PUDP: variants seen among roughly 807,000 people sequenced by gnomAD.
PUDP encodes the protein pseudouridine 5'-phosphatase, also known as pseudouridine-5'-phosphatase.
A neutral mutation model predicts 9.4 loss-of-function variants in PUDP; 8 were observed. The observed-to-expected ratio is 0.85, with a 90% CI of 0.50 to 1.53. The LOEUF (loss-of-function observed/expected upper bound fraction) is 1.53, where lower values mean the gene tolerates loss of function less well. PUDP is among the 40% of genes most tolerant of loss of function. The pLI is 0.00. For missense variants in PUDP, 188 were observed against 189.7 expected (o/e 0.99, Z 0.05); for synonymous variants, 99 against 80.7 (o/e 1.23, Z -1.22).
Position 6,859,353 on chromosome X carries a change from T to G in PUDP, c.*247+117780A>C, listed in dbSNP as rs1926962783. Among the ~76,000 whole-genome samples the G allele has an allele frequency of 3.6e-5, 4 of 111,837 alleles. No homozygotes were observed. In the Admixed American group the frequency reaches 3.8e-4, roughly 11 times the overall value. ...GAGAAACCTGACATAGTTGACTCCA[T>G]CTTGCTTCTGACCTCCAAGTTGCTT... On this transcript the variant is annotated intron_variant and NMD_transcript_variant, in intron 3 of 3. Coordinates refer to the PUDP transcript ENST00000655425.
chrX:7,108,194 C>T (rs772365856), intron 1 of PUDP, among the ~76,000 whole-genome samples: 2 of 112,923 alleles, frequency 1.8e-5, no homozygotes, highest in East Asian at 5.6e-4. Context: ...CTTGACTGCA[C>T]CTGCAGCATC....
intron 3 of PUDP, among the ~76,000 whole-genome samples, chrX:7,067,949 C>T (rs1237331088): frequency 9.0e-6 from 1 of 111,240 alleles, no homozygotes; most frequent in Admixed American, 9.5e-5. Context: ...CTCTTTTTGC[C>T]CACTGCCATC....
chrX:6,743,631 G>A lies in PUDP; in HGVS notation c.*248-37165C>T, dbSNP rs190409622. ...GCAAGTTAATCAATAGGTCAGCATC[G>A]CAATAGTTTGCAGCTGTAACAGGAT... On this transcript the variant is annotated intron_variant and NMD_transcript_variant, in intron 3 of 3. Transcript: ENST00000655425. Among the ~76,000 whole-genome samples the A allele has an allele frequency of 4.5e-5, 5 of 111,777 alleles. No homozygotes were observed. In the East Asian group the frequency reaches 1.1e-3, roughly 25 times the overall value.
intron 3 of PUDP, among the ~76,000 whole-genome samples, chrX:6,839,005 T>G (rs1374048349): frequency 8.9e-6 from 1 of 112,021 alleles, no homozygotes; most frequent in African/African-American, 3.2e-5. Flanking sequence ...CTATGTCAAG[T>G]CTTTCTGACA....
intron 3 of PUDP, among the ~76,000 whole-genome samples, chrX:6,741,369 C>T (rs113462114): frequency 0.052 from 5,826 of 111,469 alleles, 181 homozygotes; most frequent in African/African-American, 0.087. Flanking sequence ...TAAATGAATG[C>T]ATCTATAGGA....
At chrX:6,789,862 C>CGTTT (rs1925712249) in intron 3 of PUDP, among the ~76,000 whole-genome samples, 1 of 9,529 alleles carries the variant, frequency 1.0e-4, no homozygotes, top group South Asian at 0.018. Flanking sequence ...AGAAAAAAGA[C>CGTTT]GATTGATAGA....
intron 1 of PUDP, among the ~76,000 whole-genome samples, chrX:7,141,076 T>G (rs1373091047): frequency 8.9e-6 from 1 of 111,809 alleles, no homozygotes; most frequent in Admixed American, 9.5e-5. Flanking sequence ...AGTCCCTGAA[T>G]CACACTAATA....
chrX:7,011,110 A>G lies in PUDP; in HGVS notation c.205-32767T>C, dbSNP rs1028932245. 1.5e-3 allele frequency among the ~76,000 whole-genome samples: 174 copies of G among 112,320 alleles called. 2 individuals carry two copies. The highest frequency in any genetic ancestry group is 5.3e-3 in the African/African-American group (164 of 30,859). On this transcript the variant is annotated intron_variant and NMD_transcript_variant, in intron 1 of 3. Coordinates refer to the PUDP transcript ENST00000655425. ...TTGCTACCATGATTATTAATTAACC[A>G]AATTGTAGAGATATTGAGTACATTT...
At chrX:6,816,721 A>G (rs1456652068) in intron 3 of PUDP, among the ~76,000 whole-genome samples, 1 of 98,198 alleles carries the variant, frequency 1.0e-5, no homozygotes, top group Non-Finnish European at 2.0e-5. Context: ...TATAGTATAT[A>G]CAATATATAT....
chrX:7,124,219 G>T (rs1932419719), intron 1 of PUDP, among the ~76,000 whole-genome samples: 1 of 112,100 alleles, frequency 8.9e-6, no homozygotes, highest in African/African-American at 3.2e-5. Flanking sequence ...TTAGAAATCA[G>T]TAACTGAAGA....
At chrX:6,741,894 C>T (rs1924944576) in intron 3 of PUDP, among the ~76,000 whole-genome samples, 1 of 108,049 alleles carries the variant, frequency 9.3e-6, no homozygotes, top group African/African-American at 3.4e-5. Flanking sequence ...CTCACTCTGT[C>T]GCCCAGGCTG....
At chrX:7,032,677 C>T (rs1929806892) in intron 1 of PUDP, among the ~76,000 whole-genome samples, 1 of 111,572 alleles carries the variant, frequency 9.0e-6, no homozygotes, top group Non-Finnish European at 1.9e-5. Context: ...AACATGAAAG[C>T]CATGGTAATA....
At chrX:6,757,723 A>G (rs1480552880) in intron 3 of PUDP, among the ~76,000 whole-genome samples, 2 of 112,439 alleles carry the variant, frequency 1.8e-5, no homozygotes, top group Non-Finnish European at 3.8e-5. Context: ...GAGAGATGTC[A>G]CTGGGCAGGA....
At chrX:6,752,326 G>A (rs1215282694) in intron 3 of PUDP, among the ~76,000 whole-genome samples, 1 of 111,043 alleles carries the variant, frequency 9.0e-6, no homozygotes, top group African/African-American at 3.3e-5. Context: ...GCACATACCT[G>A]GCCATTGCTG....
chrX:6,751,077 G>C (rs931042090), intron 3 of PUDP, among the ~76,000 whole-genome samples: 2 of 109,842 alleles, frequency 1.8e-5, no homozygotes, highest in Non-Finnish European at 3.8e-5. Context: ...GGGAGGCGGA[G>C]CTTGCAGTGA....
chrX:6,778,409 G>C (rs1925502588), intron 3 of PUDP, among the ~76,000 whole-genome samples: 1 of 112,405 alleles, frequency 8.9e-6, no homozygotes, highest in African/African-American at 3.2e-5. Flanking sequence ...GCAACCTTGG[G>C]CCAAGCTCCC....
Position 7,028,789 on chromosome X carries a change from A to C in PUDP, c.204+48431T>G, listed in dbSNP as rs1024203514. ...GGACTGACATAACAAAGCGCCACGGACCGGGCCGCTTACCACAGACATTGA... is the reference window on the plus strand; with the variant it reads ...GGACTGACATAACAAAGCGCCACGGCCCGGGCCGCTTACCACAGACATTGA... On this transcript the variant is annotated intron_variant and NMD_transcript_variant, in intron 1 of 3. Transcript: ENST00000655425. Among the ~76,000 whole-genome samples, 3 of 111,572 alleles carry C rather than the reference A, an allele frequency of 2.7e-5. No individual in the cohort carries two copies. The Admixed American group carries it at 2.9e-4, about 11-fold the overall frequency.
chrX:6,803,081 A>C (rs1370405727), intron 3 of PUDP, among the ~76,000 whole-genome samples: 1 of 90,788 alleles, frequency 1.1e-5, no homozygotes, highest in Non-Finnish European at 2.1e-5. Context: ...ATAAAATAAA[A>C]TAAAATAAAA....
intron 3 of PUDP, among the ~76,000 whole-genome samples, chrX:6,848,161 G>T (rs1171655233): frequency 8.9e-6 from 1 of 111,775 alleles, no homozygotes; most frequent in African/African-American, 3.3e-5. Flanking sequence ...CTGTTGTCCT[G>T]CTGATCAAAT....
Sources: allele counts gnomAD v4.1 joint callset (sites outside exome capture counted in the v4.1 genomes callset), GRCh38; gene constraint gnomAD v4.1.1; transcripts MANE v1.5; gene names NCBI Gene and HGNC (gene_info 2026-07-23, HGNC 2026-07-21).